The following VPS53 variants were observed in gnomAD, a reference collection of about 807,000 sequenced individuals.
VPS53 encodes VPS53 subunit of GARP complex.
Under a neutral mutation model 107.0 loss-of-function variants are expected in VPS53, and 70 were observed. The ratio of observed to expected loss-of-function variants is 0.65; its 90% CI spans 0.54 to 0.80. VPS53 has a LOEUF of 0.80. VPS53 is among the 30% of genes least tolerant of loss of function. VPS53 has a pLI of 0.00. For missense variants in VPS53, 917 were observed against 1,049.4 expected (o/e 0.87, Z 1.74); for synonymous variants, 409 against 393.3 (o/e 1.04, Z -0.47).
intron 11 of VPS53, among the ~76,000 whole-genome samples, chr17:611,913 CAT>C (rs1297241462): frequency 1.3e-5 from 2 of 150,446 alleles, no homozygotes; most frequent in South Asian, 2.1e-4. Flanking sequence ...GCAGTATTCA[CAT>C]AGTGAGTTCA....
chr17:686,563 T>C (rs981191317), intron 4 of VPS53, among the ~76,000 whole-genome samples: 1 of 152,094 alleles, frequency 6.6e-6, no homozygotes, highest in South Asian at 2.1e-4. Context: ...TTCTGGACCA[T>C]AGGTAAGCTG....
chr17:566,604 C>A (rs1476019197), intron 13 of VPS53, among the ~76,000 whole-genome samples: 1 of 152,022 alleles, frequency 6.6e-6, no homozygotes, highest in Non-Finnish European at 1.5e-5. Context: ...GAGGCCGGTG[C>A]AGTGGAGGAG....
chr17:559,800 G>A (rs1912766545), intron 15 of VPS53, among the ~76,000 whole-genome samples: 1 of 152,138 alleles, frequency 6.6e-6, no homozygotes, highest in Non-Finnish European at 1.5e-5. Flanking sequence ...AGTGTGAAAA[G>A]GACTTCTAAT....
intron 4 of VPS53, among the ~76,000 whole-genome samples, chr17:677,588 TA>T (rs1007055376): frequency 1.3e-5 from 2 of 152,078 alleles, no homozygotes; most frequent in African/African-American, 2.4e-5. Context: ...ATTATACACT[TA>T]AAAATGTTAA....
chr17:699,336 T>C lies in VPS53; in HGVS notation c.213A>G (p.Lys71=). The change falls in exon 3 of 22, where the codon AAA becomes AAG. Residue 71 remains lysine (K), a synonymous_variant. Transcript: ENST00000437048. ...AATCACACAGCTTTACTCACCTTAT[T>C]TTCAGCCTAATTTTGTTCACGACTT... ...IDEVVNKIRL[K]IRRLDDNIRT... is the part of the protein sequence containing the mutation. The C allele has an allele frequency of 5.7e-6, 9 of 1,578,250 alleles. No individual in the cohort carries two copies. Among genetic ancestry groups the C allele is most frequent in the Non-Finnish European group, 7.7e-6 (9 of 1,166,928 alleles).
At chr17:584,526 G>T (rs572399487) in intron 13 of VPS53, among the ~76,000 whole-genome samples, 52 of 152,272 alleles carry the variant, frequency 3.4e-4, no homozygotes, top group Non-Finnish European at 4.3e-4. Flanking sequence ...TATTTTGTTT[G>T]CTTTTCTTTT....
At chr17:690,943 TGACAGACACTCTG>T (rs1204536045) in intron 4 of VPS53, among the ~76,000 whole-genome samples, 1 of 152,158 alleles carries the variant, frequency 6.6e-6, no homozygotes, top group Non-Finnish European at 1.5e-5. Flanking sequence ...TTCAGGGACT[TGACAGACACTCTG>T]GACCCCCAGT....
At chr17:618,165 CTAA>C (rs1386060518) in intron 11 of VPS53, among the ~76,000 whole-genome samples, 2 of 76,910 alleles carry the variant, frequency 2.6e-5, no homozygotes, top group East Asian at 4.1e-4. Context: ...CCACGCCCCA[CTAA>C]TGTTTCCCGG....
chr17:671,854 A>G (rs924452551), intron 4 of VPS53, among the ~76,000 whole-genome samples: 12 of 151,906 alleles, frequency 7.9e-5, no homozygotes, highest in Admixed American at 3.9e-4. Flanking sequence ...ACACCCAGCT[A>G]ATTTTTGTAT....
In VPS53 at chr17:610,126, G is replaced by A. The variant is rs964237388; in HGVS notation, c.1117-8230C>T. 1.7e-4 allele frequency among the ~76,000 whole-genome samples: 19 copies of A among 112,780 alleles called. No homozygotes were observed. The East Asian group carries it at 1.9e-3, about 11-fold the overall frequency. The allele number at this position is 112,780 out of a possible 152,430, so 74.0% of individuals were successfully genotyped here. A position where few individuals can be genotyped will look rare whatever the true frequency, so the allele number is the denominator to read the frequency against. ...AGCCTGGGCGACAGAGTGAGACTCC[G>A]TCACACACACACACACACACACACA... On this transcript the variant is annotated intron_variant, in intron 11 of 21. Coordinates refer to ENST00000437048, the MANE Select transcript of VPS53 (RefSeq NM_001128159.3).
rs1056005038 is a variant in VPS53 at position 517,442 on chromosome 17, A to G, written c.*1686T>C. 17 of 398,740 alleles carry G rather than the reference A, an allele frequency of 4.3e-5. No individual in the cohort carries two copies. The highest frequency in any genetic ancestry group is 3.5e-4 in the African/African-American group (17 of 48,654). The allele number at this position is 398,740 out of a possible 1,614,324, so 24.7% of individuals were successfully genotyped here. ...GAAACAAGGTGGGGATGAGGAAATC[A>G]GGTTTCCAGGCAGATTTCCAAACCT... On this transcript the variant is annotated 3_prime_UTR_variant, in exon 22 of 22. Transcript: ENST00000437048.
intron 10 of VPS53, among the ~76,000 whole-genome samples, chr17:625,956 C>T (rs1969690896): frequency 6.6e-6 from 1 of 151,936 alleles, no homozygotes; most frequent in Admixed American, 6.6e-5. Flanking sequence ...AACCAGTTAC[C>T]AACACTGTTG....
Position 628,840 on chromosome 17 carries a change from G to A in VPS53, c.688-609C>T, listed in dbSNP as rs2143110276. On this transcript the variant is annotated intron_variant, in intron 8 of 21. Transcript: ENST00000437048. The stretch of plus-strand genomic sequence containing the variant: ...CTGTGATACTGGCCTCCTGACCTGA[G>A]CGAACACTGGAAAGATACCAGGCGC... Among the ~76,000 whole-genome samples the A allele has an allele frequency of 1.3e-5, 2 of 152,360 alleles. 1 individual carries two copies. Among genetic ancestry groups the A allele is most frequent in the South Asian group, 4.1e-4 (2 of 4,826 alleles).
intron 18 of VPS53, among the ~76,000 whole-genome samples, chr17:536,055 C>T (rs561276330): frequency 2.6e-5 from 4 of 152,322 alleles, no homozygotes; most frequent in African/African-American, 9.6e-5. Context: ...AGAGGAGACA[C>T]TGACCCTCAC....
intron 5 of VPS53, chr17:657,412 T>C (rs1971237712): frequency 1.2e-6 from 1 of 842,080 alleles, no homozygotes; most frequent in Non-Finnish European, 2.1e-6. Context: ...CTTAGGAAAA[T>C]GATGAGGGGA....
chr17:566,076 C>A (rs1448583899), intron 13 of VPS53, among the ~76,000 whole-genome samples: 2 of 150,058 alleles, frequency 1.3e-5, no homozygotes, highest in Admixed American at 6.6e-5. Flanking sequence ...TAGTGGCGGG[C>A]GCCTGTAGTC....
chr17:653,509 C>G, intron 6 of VPS53, 99 bp from the exon 7 acceptor site: 1 of 1,558,556 alleles, frequency 6.4e-7, no homozygotes, highest in South Asian at 1.2e-5. Context: ...GATATCAACT[C>G]AGCTGAATCA....
At chr17:680,288 C>T (rs374554573) in intron 4 of VPS53, among the ~76,000 whole-genome samples, 5 of 152,150 alleles carry the variant, frequency 3.3e-5, no homozygotes, top group East Asian at 3.9e-4. Context: ...AGCGAGATTC[C>T]GTCTCAAAAT....
intron 17 of VPS53, among the ~76,000 whole-genome samples, chr17:541,770 G>A (rs1250804850): frequency 6.8e-6 from 1 of 146,608 alleles, no homozygotes; most frequent in African/African-American, 2.6e-5. Context: ...GACCTACCAC[G>A]CACCGGGCGC....
Sources: gnomAD v4.1 joint callset for allele counts (sites outside exome capture counted in the v4.1 genomes callset) on GRCh38, gnomAD v4.1.1 for gene constraint, MANE v1.5 for transcripts, NCBI Gene and HGNC (gene_info 2026-07-23, HGNC 2026-07-21) for gene names.